The following SGCD variants were observed in gnomAD, a reference collection of about 807,000 sequenced individuals.
The protein encoded by SGCD is delta-sarcoglycan.
A neutral mutation model predicts 36.6 loss-of-function variants in SGCD; 18 were observed. The observed-to-expected ratio is 0.49, with a 90% CI of 0.34 to 0.73. The LOEUF is 0.73. SGCD is among the 30% of genes least tolerant of loss of function. The pLI, the probability that SGCD is intolerant of heterozygous loss-of-function variation, is 0.01. For missense variants in SGCD, 387 were observed against 346.7 expected, an observed-to-expected ratio of 1.12 and a Z score of -0.92; for synonymous variants, 133 against 130.6, an observed-to-expected ratio of 1.02 and a Z score of -0.12.
At chr5:156,083,296 C>CT (rs112096404) in intron 1 of SGCD, among the ~76,000 whole-genome samples, 4,474 of 144,154 alleles carry the variant, frequency 0.031, 198 homozygotes, top group African/African-American at 0.099. Flanking sequence ...CATTTTTTTC[C>CT]TTTTTTTTTT....
chr5:155,745,136 A>G, the SGCD span, among the ~76,000 whole-genome samples: 1 of 152,210 alleles, frequency 6.6e-6, no homozygotes, highest in African/African-American at 2.4e-5. Context: ...CCTTTTAATA[A>G]TAGGAAAAAA....
chr5:156,640,808 T>C (rs986895264), intron 6 of SGCD, among the ~76,000 whole-genome samples: 1 of 152,194 alleles, frequency 6.6e-6, no homozygotes, highest in Admixed American at 6.5e-5. Flanking sequence ...TTGGTATGTA[T>C]CCTAGAAACT....
Position 156,174,024 on chromosome 5 carries a change from C to A in SGCD, c.-44+50005C>A, listed in dbSNP as rs1763406320. ...ATCAGTGGCTTCATAGATTTAAAAA[C>A]TCATTGTAAAGTATACAGATCTATA... On this transcript the variant is annotated intron_variant, in intron 3 of 9. Transcript: ENST00000517913. Among the ~76,000 whole-genome samples the A allele has an allele frequency of 2.0e-5, 3 of 152,132 alleles. No individual in the cohort carries two copies. In the South Asian group the frequency reaches 6.2e-4, roughly 31 times the overall value.
rs190420590 is a variant in SGCD, at chr5:156,591,228, C to G, written c.382+1910C>G. Among the ~76,000 whole-genome samples the G allele has an allele frequency of 3.3e-5, 5 of 152,206 alleles. No individual in the cohort carries two copies. The East Asian group carries it at 9.7e-4, about 29-fold the overall frequency. Reference sequence around the variant, plus strand: ...TTGGAAAACAAATCACTCCTGTCTTCTAAGCAATGAGGTCTACAAAGGCTA... The same window carrying G: ...TTGGAAAACAAATCACTCCTGTCTTGTAAGCAATGAGGTCTACAAAGGCTA... On this transcript the variant is annotated intron_variant, in intron 5 of 8. Transcript: ENST00000337851.
intron 4 of SGCD, among the ~76,000 whole-genome samples, chr5:156,588,476 A>G (rs1260329977): frequency 6.6e-6 from 1 of 152,240 alleles, no homozygotes; most frequent in Non-Finnish European, 1.5e-5. Context: ...ACAGGGACAT[A>G]CATCCCATGA....
chr5:156,404,975 A>C (rs1772333637), intron 3 of SGCD, among the ~76,000 whole-genome samples: 2 of 152,206 alleles, frequency 1.3e-5, no homozygotes, highest in South Asian at 4.1e-4. Flanking sequence ...GATGCAATTA[A>C]GGCTACTAAT....
rs147883550 is a variant in SGCD, at chr5:156,021,354, G to T, written c.-281-96524G>T. On this transcript the variant is annotated intron_variant, in intron 1 of 9. Transcript: ENST00000517913. ...GATAAGAGTAGAAACACCTTAATTA[G>T]CCAAGCATGGTGACTATTAGCCAAG... Among the ~76,000 whole-genome samples, 8 of 152,250 alleles carry T rather than the reference G, an allele frequency of 5.3e-5. No homozygotes were observed. In the East Asian group the frequency reaches 1.5e-3, roughly 29 times the overall value.
chr5:156,496,551 C>T (rs935984718), intron 3 of SGCD, among the ~76,000 whole-genome samples: 7 of 152,102 alleles, frequency 4.6e-5, no homozygotes, highest in African/African-American at 1.7e-4. Flanking sequence ...AATGTACTAT[C>T]TGTCTTCTCT....
At chr5:155,918,300 C>T (rs1374172996) in intron 1 of SGCD, among the ~76,000 whole-genome samples, 6 of 152,164 alleles carry the variant, frequency 3.9e-5, no homozygotes, top group East Asian at 1.9e-4. Context: ...CAGTGGCTCA[C>T]GCCTGTAATC....
chr5:156,517,431 C>G (rs1425064090), intron 4 of SGCD, among the ~76,000 whole-genome samples: 1 of 152,100 alleles, frequency 6.6e-6, no homozygotes, highest in Non-Finnish European at 1.5e-5. Flanking sequence ...GAATATCATC[C>G]AGGAGAACTT....
the SGCD span, among the ~76,000 whole-genome samples, chr5:155,795,414 T>C: frequency 6.8e-6 from 1 of 147,064 alleles, no homozygotes; most frequent in Non-Finnish European, 1.5e-5. Flanking sequence ...TGGTAAAACA[T>C]AGTTGTATGT....
rs578190840 is a variant in SGCD, at chr5:156,608,177, A to T, written c.502+13126A>T. ...ATCTTTCCTGCTTTCTCTTGTGGGC[A>T]TGTAGTGCTATAAATTTCCCTCTAC... On this transcript the variant is annotated intron_variant, in intron 6 of 8. Coordinates refer to ENST00000337851, the MANE Select transcript of SGCD (RefSeq NM_000337.6). Among the ~76,000 whole-genome samples the T allele has an allele frequency of 1.4e-4, 21 of 152,284 alleles. No individual in the cohort carries two copies. In the South Asian group the frequency reaches 2.3e-3, roughly 17 times the overall value.
At position 156,352,304 on chromosome 5, in the gene SGCD, A is replaced by C. The variant is rs1448432596; in HGVS notation, c.192+7627A>C. ...AACCTTAGGAGTCACCTCATCAGAC[A>C]TCCTTATTCTACAGATGTTGGAACC... is the stretch of plus-strand genomic sequence containing the variant. On this transcript the variant is annotated intron_variant, in intron 3 of 8. Coordinates refer to ENST00000337851, the MANE Select transcript of SGCD (RefSeq NM_000337.6). Among the ~76,000 whole-genome samples the C allele has an allele frequency of 3.9e-5, 6 of 152,224 alleles. No homozygotes were observed. In the East Asian group the frequency reaches 1.2e-3, roughly 29 times the overall value.
chr5:155,780,969 A>T, the SGCD span, among the ~76,000 whole-genome samples: 1 of 152,126 alleles, frequency 6.6e-6, no homozygotes, highest in Non-Finnish European at 1.5e-5. Context: ...CTACAGTTTG[A>T]GTATTAAGGT....
intron 1 of SGCD, among the ~76,000 whole-genome samples, chr5:155,987,502 T>A (rs1166800875): frequency 6.6e-6 from 1 of 152,210 alleles, no homozygotes; most frequent in Non-Finnish European, 1.5e-5. Flanking sequence ...CTGCCAATTA[T>A]CTATCTCTAA....
chr5:156,293,404 T>C (rs1766812747), intron 3 of SGCD, among the ~76,000 whole-genome samples: 1 of 152,192 alleles, frequency 6.6e-6, no homozygotes. Flanking sequence ...AATTTCAAGG[T>C]TGTAAAGCTT....
chr5:155,956,863 G>T (rs535054200), intron 1 of SGCD, among the ~76,000 whole-genome samples: 1 of 150,030 alleles, frequency 6.7e-6, no homozygotes, highest in Admixed American at 6.7e-5. Context: ...TGTCTGCAAA[G>T]ATCCTTTTTC....
chr5:156,433,935 G>A (rs1753135522), intron 3 of SGCD, among the ~76,000 whole-genome samples: 1 of 152,204 alleles, frequency 6.6e-6, no homozygotes, highest in Admixed American at 6.5e-5. Context: ...GGCAGAGACA[G>A]CTGCTTACAT....
At chr5:155,825,728 G>GTTTTT in the SGCD span, among the ~76,000 whole-genome samples, 21 of 147,070 alleles carry the variant, frequency 1.4e-4, no homozygotes, top group African/African-American at 4.0e-4. Flanking sequence ...TTTATTATTT[G>GTTTTT]TTTTTTTTTT....
Sources: allele counts gnomAD v4.1 joint callset (sites outside exome capture counted in the v4.1 genomes callset), GRCh38; gene constraint gnomAD v4.1.1; transcripts MANE v1.5; gene names NCBI Gene and HGNC (gene_info 2026-07-23, HGNC 2026-07-21).